IKZF2: variants seen among roughly 807,000 people sequenced by gnomAD.
IKZF2 encodes the protein zinc finger protein Helios.
A neutral mutation model predicts 49.2 loss-of-function variants in IKZF2; 15 were observed. That is an observed-to-expected ratio of 0.30 (90% CI 0.20 to 0.47). The LOEUF (loss-of-function observed/expected upper bound fraction) is 0.47. Among genes scored for constraint, IKZF2 ranks in the 20% least tolerant of loss-of-function variants. IKZF2 has a pLI of 1.00. For synonymous variants in IKZF2, 227 were observed against 221.4 expected (o/e 1.03, Z -0.23); for missense variants, 567 against 664.6 (o/e 0.85, Z 1.61).
At chr2:213,096,822 C>T (rs1160280464) in intron 4 of IKZF2, among the ~76,000 whole-genome samples, 1 of 151,926 alleles carries the variant, frequency 6.6e-6, no homozygotes, top group Non-Finnish European at 1.5e-5. Flanking sequence ...AGTACTGTGT[C>T]AAAACAACAT....
intron 4 of IKZF2, among the ~76,000 whole-genome samples, chr2:213,146,753 A>C (rs1390931797): frequency 4.5e-5 from 1 of 22,226 alleles, no homozygotes; most frequent in Non-Finnish European, 1.1e-4. Flanking sequence ...TTAGTTATTA[A>C]ATCTTCGGGG....
At chr2:213,124,246 GCGCGCGCA>G (rs2060163308) in intron 4 of IKZF2, among the ~76,000 whole-genome samples, 1 of 102,484 alleles carries the variant, frequency 9.8e-6, no homozygotes, top group Non-Finnish European at 1.9e-5. Flanking sequence ...GCGCTCGCGC[GCGCGCGCA>G]CACACACACA....
At chr2:213,111,588 T>G (rs960741019) in intron 4 of IKZF2, among the ~76,000 whole-genome samples, 7 of 152,076 alleles carry the variant, frequency 4.6e-5, no homozygotes, top group Non-Finnish European at 8.8e-5. Context: ...CCATTGGCAG[T>G]TTCGTCCAGC....
rs559162342 is a variant in IKZF2, at chr2:213,143,854, G to T, written c.139+3854C>A. On this transcript the variant is annotated intron_variant, in intron 4 of 8. Transcript: ENST00000434687. ...TAACTCTTCTATTTCTGAGATATTT[G>T]TCACAAAAATATGGGCCAGTATTGG... 7.4e-4 allele frequency among the ~76,000 whole-genome samples: 112 copies of T among 151,950 alleles called. 1 individual carries two copies. The highest frequency in any genetic ancestry group is 2.6e-3 in the African/African-American group (106 of 41,494).
intron 4 of IKZF2, among the ~76,000 whole-genome samples, chr2:213,128,799 T>C (rs1011837005): frequency 1.1e-4 from 13 of 120,764 alleles, no homozygotes; most frequent in Non-Finnish European, 2.1e-4. Flanking sequence ...CACTAATTTT[T>C]TTTTCTTTTT....
Position 213,033,516 on chromosome 2 carries a change from C to T in IKZF2, c.575-11386G>A, listed in dbSNP as rs1263117164. On this transcript the variant is annotated intron_variant, in intron 6 of 8. Transcript: ENST00000434687. Reference sequence around the variant, plus strand: ...GTTTAAATTAACCCTTGAGCGTGGGCTGAAGAATATATGCTGTATTAACAG... The same window carrying T: ...GTTTAAATTAACCCTTGAGCGTGGGTTGAAGAATATATGCTGTATTAACAG... Among the ~76,000 whole-genome samples, 4 of 152,264 alleles carry T rather than the reference C, an allele frequency of 2.6e-5. No homozygotes were observed. In the South Asian group the frequency reaches 6.2e-4, roughly 24 times the overall value.
chr2:213,104,543 A>C (rs2059458787), intron 4 of IKZF2, among the ~76,000 whole-genome samples: 1 of 152,298 alleles, frequency 6.6e-6, no homozygotes, highest in African/African-American at 2.4e-5. Context: ...CATTCCCCCC[A>C]AAATATTAAT....
At chr2:213,045,598 T>C (rs1175595622) in intron 6 of IKZF2, among the ~76,000 whole-genome samples, 1 of 152,178 alleles carries the variant, frequency 6.6e-6, no homozygotes, top group Non-Finnish European at 1.5e-5. Context: ...CAGGATATAG[T>C]AAATACCTGA....
intron 4 of IKZF2, among the ~76,000 whole-genome samples, chr2:213,093,388 C>T (rs904332706): frequency 2.6e-5 from 4 of 152,088 alleles, no homozygotes; most frequent in Non-Finnish European, 4.4e-5. Context: ...TTTCCTGCTG[C>T]GGGGCCTTTG....
intron 4 of IKZF2, among the ~76,000 whole-genome samples, chr2:213,099,657 T>G (rs956043151): frequency 1.3e-5 from 2 of 152,112 alleles, no homozygotes; most frequent in Non-Finnish European, 2.9e-5. Context: ...TATTACCTCC[T>G]CATTTAAAAG....
In IKZF2 at chr2:213,042,149, A is replaced by G. The variant is rs188376360; in HGVS notation, c.574+7564T>C. On this transcript the variant is annotated intron_variant, in intron 6 of 8. Coordinates refer to ENST00000434687, the MANE Select transcript of IKZF2 (RefSeq NM_001387220.1). ...TCTAGACAGCACATTTTTTTTTTCA[A>G]TCATTAGGAGTTACTTCAGTAGAGT... Among the ~76,000 whole-genome samples the G allele has an allele frequency of 2.6e-3, 396 of 152,116 alleles. 5 individuals are homozygous for G. The highest frequency in any genetic ancestry group is 2.5e-3 in the Non-Finnish European group (173 of 67,964).
intron 4 of IKZF2, among the ~76,000 whole-genome samples, chr2:213,067,400 C>T (rs1229553981): frequency 6.6e-6 from 1 of 151,894 alleles, no homozygotes; most frequent in Non-Finnish European, 1.5e-5. Flanking sequence ...CTAGATGGCA[C>T]TCAAGATAGG....
rs569772285 is a variant in IKZF2, at chr2:213,068,670, C to T, written c.140-11571G>A. ...AGATCACATATTTGAAACGTCTGGG[C>T]ATGCCTAATTCTATGTGTTCAGGTG... On this transcript the variant is annotated intron_variant, in intron 4 of 8. Transcript: ENST00000434687. Among the ~76,000 whole-genome samples, 6 of 152,144 alleles carry T rather than the reference C, an allele frequency of 3.9e-5. No homozygotes were observed. The East Asian group carries it at 1.2e-3, about 29-fold the overall frequency.
At chr2:213,019,133 C>A (rs957065163) in intron 7 of IKZF2, among the ~76,000 whole-genome samples, 1 of 152,000 alleles carries the variant, frequency 6.6e-6, no homozygotes, top group Non-Finnish European at 1.5e-5. Flanking sequence ...GAAAATGCCT[C>A]TTTTCCTTTA....
intron 6 of IKZF2, among the ~76,000 whole-genome samples, chr2:213,027,764 T>C (rs976896391): frequency 6.6e-6 from 1 of 152,154 alleles, no homozygotes; most frequent in African/African-American, 2.4e-5. Context: ...TTTTTAAAAG[T>C]ATTATATAAA....
intron 6 of IKZF2, among the ~76,000 whole-genome samples, chr2:213,035,134 G>A (rs545280352): frequency 3.0e-4 from 46 of 152,072 alleles, no homozygotes; most frequent in Non-Finnish European, 5.3e-4. Context: ...CCTAGGTTAC[G>A]TTAAATTAGG....
intron 5 of IKZF2, among the ~76,000 whole-genome samples, chr2:213,055,531 G>A (rs1701062601): frequency 6.6e-6 from 1 of 152,046 alleles, no homozygotes; most frequent in African/African-American, 2.4e-5. Flanking sequence ...TGATGATTTT[G>A]ATTATGATAA....
intron 4 of IKZF2, chr2:213,097,994 G>T: frequency 3.5e-6 from 1 of 288,358 alleles, no homozygotes. Context: ...TTACAAGAGT[G>T]ATTAAAACAG....
intron 4 of IKZF2, among the ~76,000 whole-genome samples, chr2:213,074,290 C>G (rs1432492188): frequency 6.6e-6 from 1 of 152,140 alleles, no homozygotes; most frequent in Non-Finnish European, 1.5e-5. Flanking sequence ...GTGTACATCA[C>G]AAATCTAGAT....
Sources: gnomAD v4.1 joint callset for allele counts (sites outside exome capture counted in the v4.1 genomes callset) on GRCh38, gnomAD v4.1.1 for gene constraint, MANE v1.5 for transcripts, NCBI Gene and HGNC (gene_info 2026-07-23, HGNC 2026-07-21) for gene names.